CMC4: variants seen among roughly 807,000 people sequenced by gnomAD.
CMC4 encodes cx9C motif-containing protein 4.
A neutral mutation model predicts 5.1 loss-of-function variants in CMC4; 4 were observed. The ratio of observed to expected loss-of-function variants is 0.78; its 90% CI spans 0.38 to 1.78. The LOEUF is 1.78. CMC4 is among the 40% of genes most tolerant of loss of function. The pLI is 0.04. For missense variants in CMC4, 52 were observed against 51.3 expected, an observed-to-expected ratio of 1.01 and a Z score of -0.04; for synonymous variants, 23 against 18.9, an observed-to-expected ratio of 1.22 and a Z score of -0.57.
chrX:155,064,102 T>C (rs2073939522), intron 1 of CMC4, 69 bp from the exon 2 acceptor site: 1 of 888,138 alleles, frequency 1.1e-6, no homozygotes, highest in Non-Finnish European at 1.6e-6. Flanking sequence ...CTACGTGGAA[T>C]TTTCTTCTGA....
chrX:155,065,927 C>T lies in CMC4; in HGVS notation c.-10-1894G>A, dbSNP rs376908996. 4.1e-6 allele frequency: 5 copies of T among 1,210,310 alleles called. No homozygotes were observed. In the African/African-American group the frequency reaches 5.2e-5, roughly 13 times the overall value. On this transcript the variant is annotated intron_variant, in intron 1 of 2. Coordinates refer to ENST00000369484, the MANE Select transcript of CMC4 (RefSeq NM_001018024.3). Reference sequence around the variant, plus strand: ...TTACCTCTTCCACGACGGCCACCCACGTGCGCTGGTATTCGTCGCGGTAGA... The same window carrying T: ...TTACCTCTTCCACGACGGCCACCCATGTGCGCTGGTATTCGTCGCGGTAGA...
At chrX:155,065,299 C>T (rs1425133330) in intron 1 of CMC4, 5 of 448,177 alleles carry the variant, frequency 1.1e-5, no homozygotes, top group Non-Finnish European at 1.9e-5. Context: ...CAACCCACTC[C>T]CTCCCCCCAG....
chrX:155,064,527 T>C (rs1291860967), intron 1 of CMC4: 1 of 112,546 alleles, frequency 8.9e-6, no homozygotes, highest in Non-Finnish European at 1.9e-5. Flanking sequence ...AAGACTTTTT[T>C]TTTTAAAGTA....
rs901402146 is a variant in CMC4 at position 155,070,801 on chromosome X, C to T, written c.-118G>A. ...TCAAGCCAGGATCGCGACGTGAGCC[C>T]GGGGTGAGCCGAGGGGCATCCCGGG... On this transcript the variant is annotated 5_prime_UTR_variant, in exon 1 of 3. Coordinates refer to ENST00000369484, the MANE Select transcript of CMC4 (RefSeq NM_001018024.3). The T allele has an allele frequency of 8.9e-6, 1 of 112,649 alleles. No homozygotes were observed. 9.3% of individuals were successfully genotyped at this position (112,649 alleles called of 1,213,427 possible).
In CMC4 at chrX:155,063,966, C is replaced by CTTA. The variant is rs1221686467; in HGVS notation, c.57_58insTAA (p.Gln19_Ala20insTer). On this transcript the variant is annotated stop_gained and inframe_insertion and splice_region_variant, in exon 2 of 3. Transcript: ENST00000369484. LOFTEE classifies it high-confidence loss of function. ...TTTAAAGCATTTTACAATATACTACCTTGTAAACATTTCTGTATCTCACAG... is the reference window on the plus strand; with the variant it reads ...TTTAAAGCATTTTACAATATACTACCTTATTGTAAACATTTCTGTATCTCACAG... 1.6e-5 allele frequency: 19 copies of CTTA among 1,188,803 alleles called. No homozygotes were observed. Among genetic ancestry groups the CTTA allele is most frequent in the Non-Finnish European group, 2.0e-5 (18 of 885,710 alleles).
intron 1 of CMC4, among the ~76,000 whole-genome samples, chrX:155,067,538 C>A (rs1158800384): frequency 8.9e-6 from 1 of 112,188 alleles, no homozygotes; most frequent in Non-Finnish European, 1.9e-5. Context: ...TAAAATGCCT[C>A]CCTGGGCCTC....
intron 1 of CMC4, among the ~76,000 whole-genome samples, chrX:155,068,847 C>T (rs1361230752): frequency 8.9e-6 from 1 of 112,616 alleles, no homozygotes; most frequent in Non-Finnish European, 1.9e-5. Flanking sequence ...TCTTTTAAAA[C>T]CTCAACATAG....
rs2073933757 is a variant in CMC4, at chrX:155,062,876, T to C, written c.59-885A>G. Among the ~76,000 whole-genome samples the C allele has an allele frequency of 1.8e-5, 2 of 111,546 alleles. 1 individual carries two copies. The highest frequency in any genetic ancestry group is 6.5e-5 in the African/African-American group (2 of 30,568). On this transcript the variant is annotated intron_variant, in intron 2 of 2. Transcript: ENST00000369484. Reference sequence around the variant, plus strand: ...CCCCTTTATGAAATGGGGGTCATAGTAGCATCTACCTCATGGATGAAAGGC... The same window carrying C: ...CCCCTTTATGAAATGGGGGTCATAGCAGCATCTACCTCATGGATGAAAGGC...
chrX:155,066,992 C>T (rs2073950867), intron 1 of CMC4, among the ~76,000 whole-genome samples: 1 of 112,188 alleles, frequency 8.9e-6, no homozygotes, highest in Admixed American at 9.4e-5. Context: ...GTGCATTTTG[C>T]ATGAGTCAAT....
At chrX:155,069,234 A>T (rs1168880659) in intron 1 of CMC4, among the ~76,000 whole-genome samples, 1 of 112,668 alleles carries the variant, frequency 8.9e-6, no homozygotes, top group East Asian at 2.8e-4. Context: ...AACAGTTTTT[A>T]AACATTGATC....
At chrX:155,067,677 T>C (rs1022359460) in intron 1 of CMC4, among the ~76,000 whole-genome samples, 36 of 112,650 alleles carry the variant, frequency 3.2e-4, no homozygotes, top group Admixed American at 3.1e-3. Context: ...ACACATTTGC[T>C]TTGCTTATTT....
chrX:155,062,006 G>A lies in CMC4; in HGVS notation c.59-15C>T, dbSNP rs185264124. 5.9e-4 allele frequency: 707 copies of A among 1,204,763 alleles called. 2 individuals are homozygous for A. In the African/African-American group the frequency reaches 0.011, roughly 18 times the overall value. ...GTAGCTGTTGGCTGAAAAACATACA[G>A]GCAGACTCTAGTCATGATCTCATAG... On this transcript the variant is annotated splice_polypyrimidine_tract_variant and intron_variant, in intron 2 of 2. Coordinates refer to ENST00000369484, the MANE Select transcript of CMC4 (RefSeq NM_001018024.3).
At chrX:155,062,794 A>G (rs999796773) in intron 2 of CMC4, among the ~76,000 whole-genome samples, 15 of 111,808 alleles carry the variant, frequency 1.3e-4, no homozygotes, top group African/African-American at 4.9e-4. Context: ...AATTCCCACC[A>G]TACCTCTTAC....
At chrX:155,068,823 C>T (rs2073958503) in intron 1 of CMC4, among the ~76,000 whole-genome samples, 1 of 112,389 alleles carries the variant, frequency 8.9e-6, no homozygotes, top group South Asian at 3.7e-4. Context: ...CAGGACTTCT[C>T]GAACTAAGAC....
chrX:155,069,416 A>G (rs1279393460), intron 1 of CMC4, among the ~76,000 whole-genome samples: 1 of 112,571 alleles, frequency 8.9e-6, no homozygotes, highest in Admixed American at 9.3e-5. Context: ...CCTGAGGTGT[A>G]AAATGAGAAT....
At position 155,071,028 on chromosome X, in the gene CMC4, G is replaced by C. The variant is rs191093316; in HGVS notation, c.-345C>G. 2.0e-4 allele frequency: 22 copies of C among 112,814 alleles called. No individual in the cohort carries two copies. The highest frequency in any genetic ancestry group is 6.1e-4 in the African/African-American group (19 of 31,124). 9.3% of individuals were successfully genotyped at this position (112,814 alleles called of 1,213,427 possible). On this transcript the variant is annotated 5_prime_UTR_variant, in exon 1 of 3. Transcript: ENST00000369484. ...CGCGGAGATGTCGTCTTAAAGGGCT[G>C]TCCCCCAAGCGTGTAGGCCGCGCAC...
intron 2 of CMC4, among the ~76,000 whole-genome samples, chrX:155,062,400 C>T (rs2073931619): frequency 8.9e-6 from 1 of 112,110 alleles, no homozygotes; most frequent in African/African-American, 3.2e-5. Context: ...AATTGGCAAA[C>T]TGCAGCCTTA....
intron 1 of CMC4, among the ~76,000 whole-genome samples, chrX:155,069,926 A>AT (rs1186123885): frequency 1.8e-5 from 2 of 112,447 alleles, no homozygotes; most frequent in Admixed American, 1.9e-4. Flanking sequence ...CTCCATGAGG[A>AT]CGGGGCATAC....
chrX:155,064,399 T>C (rs1335800459), intron 1 of CMC4: 3 of 121,190 alleles, frequency 2.5e-5, no homozygotes, highest in Non-Finnish European at 5.1e-5. Context: ...TACTCATATA[T>C]AAAATGGGAA....
Sources: allele counts gnomAD v4.1 joint callset (sites outside exome capture counted in the v4.1 genomes callset), GRCh38; gene constraint gnomAD v4.1.1; transcripts MANE v1.5; gene names NCBI Gene and HGNC (gene_info 2026-07-23, HGNC 2026-07-21).